Variants in HADHA observed in about 807,000 individuals in gnomAD.
The protein encoded by HADHA is trifunctional enzyme subunit alpha, mitochondrial.
In HADHA, 59 loss-of-function variants were observed where a neutral mutation model predicts 91.3. The ratio of observed to expected loss-of-function variants is 0.65; its 90% CI spans 0.52 to 0.80. The LOEUF (loss-of-function observed/expected upper bound fraction) is 0.80. HADHA is among the 30% of genes least tolerant of loss of function. The pLI, the probability that HADHA is intolerant of heterozygous loss-of-function variation, is 0.00. For missense variants in HADHA, 800 were observed against 927.6 expected, an observed-to-expected ratio of 0.86 and a Z score of 1.79; for synonymous variants, 320 against 338.9, an observed-to-expected ratio of 0.94 and a Z score of 0.61.
chr2:26,220,676 CT>C (rs914869196), intron 7 of HADHA, among the ~76,000 whole-genome samples: 8 of 152,222 alleles, frequency 5.3e-5, no homozygotes, highest in Non-Finnish European at 5.9e-5. Context: ...CTGACAAAAG[CT>C]TTTTTTTCTT....
intron 10 of HADHA, chr2:26,212,033 C>T (rs1341861308): frequency 1.3e-5 from 2 of 159,074 alleles, no homozygotes; most frequent in Admixed American, 6.1e-5. Context: ...TAGAGACAAC[C>T]TTATTACTAA....
At position 26,214,807 on chromosome 2, in the gene HADHA, C is replaced by T. The variant is rs1266766727; in HGVS notation, c.799+246G>A. 2.0e-5 allele frequency among the ~76,000 whole-genome samples: 3 copies of T among 151,998 alleles called. No homozygotes were observed. In the East Asian group the frequency reaches 5.8e-4, roughly 29 times the overall value. Reference sequence around the variant, plus strand: ...GTTATCTAGTCTTTTTGTGTTCATGCTTAACATTTTCTAAAATGAAAAGTT... The same window carrying T: ...GTTATCTAGTCTTTTTGTGTTCATGTTTAACATTTTCTAAAATGAAAAGTT... On this transcript the variant is annotated intron_variant, in intron 8 of 19. Coordinates refer to ENST00000380649, the MANE Select transcript of HADHA (RefSeq NM_000182.5). The surrounding 1 kb of genome is among the most constrained non-coding windows in gnomAD (Gnocchi z 4.1).
At position 26,221,958 on chromosome 2, in the gene HADHA, A is replaced by T. The variant is rs1472410089; in HGVS notation, c.677-6783T>A. ...TTTGCCTGGGTGGTAAGGAACTTAC[A>T]GGGAACACAGATGAAAAACTGTTGG... On this transcript the variant is annotated intron_variant, in intron 7 of 19. Coordinates refer to ENST00000380649, the MANE Select transcript of HADHA (RefSeq NM_000182.5). This position sits in a 1 kb window ranked among gnomAD's most constrained non-coding sequence, Gnocchi z 4.8. 1.3e-5 allele frequency among the ~76,000 whole-genome samples: 2 copies of T among 152,244 alleles called. No homozygotes were observed. The highest frequency in any genetic ancestry group is 1.5e-5 in the Non-Finnish European group (1 of 68,030).
At chr2:26,241,348 G>A (rs956557823) in intron 1 of HADHA, among the ~76,000 whole-genome samples, 23 of 152,012 alleles carry the variant, frequency 1.5e-4, no homozygotes, top group Non-Finnish European at 2.8e-4. Context: ...GGCCGGGCGC[G>A]GTGGCTCACG....
intron 4 of HADHA, among the ~76,000 whole-genome samples, chr2:26,236,381 TGTG>T: frequency 2.7e-5 from 1 of 37,698 alleles, no homozygotes; most frequent in African/African-American, 9.3e-5. Context: ...ATATATACTC[TGTG>T]TGTGTGTGTG....
chr2:26,199,090 G>T (rs1313524001), intron 13 of HADHA, among the ~76,000 whole-genome samples: 1 of 152,000 alleles, frequency 6.6e-6, no homozygotes. Context: ...TAAAGACAGG[G>T]TTTCATCATC....
rs1669493458 is a variant in HADHA, at chr2:26,191,388, G to T, written c.2154C>A (p.Phe718Leu). ...LGFPPCLGGP[F>L]RFVDLYGAQK... ...GGGCGCCATACAGATCCACAAAGCG[G>T]AAAGGCCCTGAATAGAGAAAGAGGA... The change falls in exon 20 of 20, where the codon TTC becomes TTA. Residue 718 changes from phenylalanine (F) to leucine (L), a missense_variant. Transcript: ENST00000380649. The T allele has an allele frequency of 1.2e-6, 2 of 1,614,070 alleles. No individual in the cohort carries two copies. The highest frequency in any genetic ancestry group is 2.7e-5 in the African/African-American group (2 of 74,914).
intron 13 of HADHA, among the ~76,000 whole-genome samples, chr2:26,199,697 A>G (rs902737140): frequency 8.5e-5 from 13 of 152,162 alleles, no homozygotes; most frequent in Admixed American, 5.2e-4. Flanking sequence ...GGGGCCCGGT[A>G]GCCTCTTTTT....
chr2:26,201,695 T>A (rs911555896), intron 12 of HADHA, among the ~76,000 whole-genome samples: 2 of 152,140 alleles, frequency 1.3e-5, no homozygotes, highest in Non-Finnish European at 2.9e-5. Context: ...TCTCTACCTA[T>A]GACAGGGGAA....
At chr2:26,230,656 A>C (rs149155064) in intron 6 of HADHA, among the ~76,000 whole-genome samples, 1 of 152,240 alleles carries the variant, frequency 6.6e-6, no homozygotes, top group Non-Finnish European at 1.5e-5. Context: ...ACGGTGGCTC[A>C]CACCTGTAAT....
rs374189575 is a variant in HADHA, at chr2:26,195,170, G to A, written c.1542C>T (p.Thr514=). The A allele has an allele frequency of 1.7e-5, 27 of 1,611,332 alleles. No individual in the cohort carries two copies. Among genetic ancestry groups the A allele is most frequent in the South Asian group, 1.6e-4 (15 of 91,012 alleles). The change falls in exon 15 of 20, where the codon ACC becomes ACT. Residue 514 remains threonine, a synonymous_variant. Transcript: ENST00000380649. ...CACTGGTGTCTTTGGAAGTTTTCTC[G>A]GTCGTGATAATCTCCAGCAGCTGCA... ...DKMQLLEIIT[T]EKTSKDTSAS...
chr2:26,197,002 T>C (rs1425446916), intron 14 of HADHA, among the ~76,000 whole-genome samples: 1 of 152,230 alleles, frequency 6.6e-6, no homozygotes, highest in Non-Finnish European at 1.5e-5. Context: ...TAGGAATAAA[T>C]AGGCTTTTGT....
intron 4 of HADHA, among the ~76,000 whole-genome samples, chr2:26,235,826 C>T (rs1349989495): frequency 2.0e-5 from 3 of 152,208 alleles, no homozygotes; most frequent in African/African-American, 7.2e-5. Flanking sequence ...ATTTCCCCTC[C>T]TTATGTATGT....
intron 5 of HADHA, 46 bp from the exon 6 acceptor site, chr2:26,232,325 A>T: frequency 6.9e-7 from 1 of 1,448,416 alleles, no homozygotes; most frequent in African/African-American, 1.4e-5. Context: ...AATGTAACTT[A>T]GTAGCAACTT....
intron 12 of HADHA, among the ~76,000 whole-genome samples, chr2:26,201,572 C>T (rs1363646339): frequency 1.3e-5 from 2 of 152,130 alleles, no homozygotes; most frequent in East Asian, 3.9e-4. Context: ...CATAGAATGC[C>T]TCCAAATGCC....
At chr2:26,222,730 T>G (rs1670403032) in intron 7 of HADHA, among the ~76,000 whole-genome samples, 1 of 152,144 alleles carries the variant, frequency 6.6e-6, no homozygotes, top group African/African-American at 2.4e-5. Context: ...GCACTGCTTC[T>G]TATCAAGGAA....
At chr2:26,225,051 A>G (rs961486271) in intron 7 of HADHA, among the ~76,000 whole-genome samples, 29 of 152,240 alleles carry the variant, frequency 1.9e-4, no homozygotes, top group Non-Finnish European at 3.8e-4. Flanking sequence ...AGAATGGAGA[A>G]CCTGAATAGC....
At chr2:26,213,240 C>T (rs1359504085) in intron 9 of HADHA, among the ~76,000 whole-genome samples, 2 of 152,170 alleles carry the variant, frequency 1.3e-5, no homozygotes, top group Non-Finnish European at 2.9e-5. Context: ...AAGCCTGTTG[C>T]TGCTTTCCTA....
At chr2:26,227,616 C>T (rs1670515765) in intron 7 of HADHA, among the ~76,000 whole-genome samples, 1 of 152,120 alleles carries the variant, frequency 6.6e-6, no homozygotes, top group South Asian at 2.1e-4. Context: ...CTCTCATACA[C>T]TGCTGGTGGG....
Sources: allele counts gnomAD v4.1 joint callset (sites outside exome capture counted in the v4.1 genomes callset), GRCh38; gene constraint gnomAD v4.1.1; non-coding constraint Gnocchi (gnomAD v3.1); transcripts MANE v1.5; gene names NCBI Gene and HGNC (gene_info 2026-07-23, HGNC 2026-07-21).